RPTOR: variants seen among roughly 807,000 people sequenced by gnomAD.
RPTOR encodes the protein regulatory associated protein of MTOR complex 1.
Under a neutral mutation model 169.9 loss-of-function variants are expected in RPTOR, and 21 were observed. The observed-to-expected ratio is 0.12, with a 90% confidence interval of 0.09 to 0.18. RPTOR has a LOEUF of 0.18. Among genes scored for constraint, RPTOR ranks in the 10% least tolerant of loss-of-function variants. RPTOR has a pLI of 1.00. For missense variants in RPTOR, 1,133 were observed against 1,855.9 expected, an observed-to-expected ratio of 0.61 and a Z score of 7.16; for synonymous variants, 732 against 753.2, an observed-to-expected ratio of 0.97 and a Z score of 0.46.
At chr17:80,703,496 G>A (rs1234635022) in intron 3 of RPTOR, among the ~76,000 whole-genome samples, 2 of 152,068 alleles carry the variant, frequency 1.3e-5, no homozygotes, top group African/African-American at 4.8e-5. Flanking sequence ...CACTTCCCCT[G>A]GCCTGACTGC....
chr17:80,593,538 G>A (rs1419606300), intron 1 of RPTOR: 6 of 154,632 alleles, frequency 3.9e-5, no homozygotes, highest in African/African-American at 7.2e-5. Context: ...GAGTTTTGGT[G>A]TGTATCAAAC....
At chr17:80,637,211 G>T (rs548056126) in intron 2 of RPTOR, among the ~76,000 whole-genome samples, 13 of 152,370 alleles carry the variant, frequency 8.5e-5, no homozygotes, top group African/African-American at 2.9e-4. Flanking sequence ...TTCCAGAGAT[G>T]AGGGAGAGCA....
At chr17:80,608,154 C>A (rs1231973273) in intron 1 of RPTOR, among the ~76,000 whole-genome samples, 1 of 152,208 alleles carries the variant, frequency 6.6e-6, no homozygotes. Context: ...GTTTACTGAG[C>A]AGGGTTCCCC....
chr17:80,684,187 C>T (rs1173096315), intron 3 of RPTOR, among the ~76,000 whole-genome samples: 1 of 152,068 alleles, frequency 6.6e-6, no homozygotes, highest in East Asian at 1.9e-4. Flanking sequence ...TACTCAAGTT[C>T]ACGTGTTTAG....
Position 80,576,593 on chromosome 17 carries a change from A to G in RPTOR, c.162+30802A>G, listed in dbSNP as rs530483812. Among the ~76,000 whole-genome samples the G allele has an allele frequency of 3.9e-5, 6 of 152,304 alleles. No individual in the cohort carries two copies. The South Asian group carries it at 1.2e-3, about 32-fold the overall frequency. The stretch of plus-strand genomic sequence containing the variant: ...GCTCTCCTTTCCTTTAGCGTCTCAG[A>G]ACTTTCCTATGGGGCCACCTACTTT... On this transcript the variant is annotated intron_variant, in intron 1 of 33. Coordinates refer to ENST00000306801, the MANE Select transcript of RPTOR (RefSeq NM_020761.3).
chr17:80,931,345 G>A (rs73355901), intron 24 of RPTOR, among the ~76,000 whole-genome samples: 2,918 of 152,332 alleles, frequency 0.019, 105 homozygotes, highest in African/African-American at 0.067. Context: ...CCAGTTCCCT[G>A]CAGCAGAGCA....
intron 24 of RPTOR, among the ~76,000 whole-genome samples, chr17:80,927,045 G>A (rs1209797677): frequency 6.6e-6 from 1 of 152,206 alleles, no homozygotes; most frequent in African/African-American, 2.4e-5. Flanking sequence ...AGAGGGAAGT[G>A]CCCCTTCCCA....
intron 7 of RPTOR, among the ~76,000 whole-genome samples, chr17:80,806,730 T>TTATG (rs1367513361): frequency 2.6e-5 from 4 of 152,236 alleles, no homozygotes; most frequent in Admixed American, 6.5e-5. Context: ...TTGTGCCATA[T>TTATG]TATGGTTTCC....
At chr17:80,641,141 C>T (rs554716835) in intron 2 of RPTOR, among the ~76,000 whole-genome samples, 1 of 152,248 alleles carries the variant, frequency 6.6e-6, no homozygotes, top group African/African-American at 2.4e-5. Flanking sequence ...GATCACAGCA[C>T]AGTTGATTTG....
Position 80,893,828 on chromosome 17 carries a change from C to T in RPTOR, c.2364C>T (p.Arg788=), listed in dbSNP as rs137893094. The change falls in exon 20 of 34, where the codon CGC becomes CGT. Residue 788 remains arginine (R), a synonymous_variant. Transcript: ENST00000306801. ...CCTTCGAGACCATCGACAAGATGCG[C>T]CGCGCCAGCTCCTACTCCTCCCTCA... ...ILSFETIDKM[R]RASSYSSLNS... is the part of the protein sequence containing the mutation. 5.5e-5 allele frequency: 84 copies of T among 1,537,058 alleles called. 4 individuals carry two copies. In the African/African-American group the frequency reaches 1.1e-3, roughly 20 times the overall value.
intron 4 of RPTOR, among the ~76,000 whole-genome samples, chr17:80,711,805 G>A (rs986134667): frequency 3.7e-5 from 5 of 134,472 alleles, no homozygotes; most frequent in East Asian, 4.6e-4. Flanking sequence ...TAACAGTGGC[G>A]TGATCTTGGC....
chr17:80,631,350 T>C (rs1258251109), intron 2 of RPTOR, among the ~76,000 whole-genome samples: 1 of 152,078 alleles, frequency 6.6e-6, no homozygotes, highest in Non-Finnish European at 1.5e-5. Context: ...GGGGGTGCAG[T>C]GGGGGTGCAT....
Position 80,947,135 on chromosome 17 carries a change from A to G in RPTOR, c.3141-92A>G. 3 of 1,299,866 alleles carry G rather than the reference A, an allele frequency of 2.3e-6. No homozygotes were observed. Among genetic ancestry groups the G allele is most frequent in the East Asian group, 5.8e-5 (2 of 34,406 alleles). The allele number at this position is 1,299,866 out of a possible 1,614,324, so 80.5% of individuals were successfully genotyped here. A position where few individuals can be genotyped will look rare whatever the true frequency, so the allele number is the denominator to read the frequency against. On this transcript the variant is annotated intron_variant, in intron 26 of 33. Coordinates refer to ENST00000306801, the MANE Select transcript of RPTOR (RefSeq NM_020761.3). The surrounding 1 kb of genome is among the most constrained non-coding windows in gnomAD (Gnocchi z 4.4). ...CCCGGCTGTGGTGTGTGGTTTTTTGATAGCAGCCCGGTGGGTTTCAGGAGG... is the reference window on the plus strand; with the variant it reads ...CCCGGCTGTGGTGTGTGGTTTTTTGGTAGCAGCCCGGTGGGTTTCAGGAGG...
At chr17:80,630,325 T>TG (rs1401737068) in intron 2 of RPTOR, among the ~76,000 whole-genome samples, 4 of 152,256 alleles carry the variant, frequency 2.6e-5, no homozygotes, top group Non-Finnish European at 4.4e-5. Flanking sequence ...AGTAGTTAAC[T>TG]GGGGTTAGAA....
intron 17 of RPTOR, among the ~76,000 whole-genome samples, chr17:80,891,202 C>T (rs915719115): frequency 2.0e-5 from 3 of 152,234 alleles, no homozygotes; most frequent in South Asian, 4.1e-4. Context: ...CAACTTTTCC[C>T]GTTCCCTCTT....
intron 1 of RPTOR, among the ~76,000 whole-genome samples, chr17:80,548,377 T>G (rs895734327): frequency 1.4e-4 from 19 of 135,216 alleles, no homozygotes; most frequent in African/African-American, 5.4e-4. Context: ...GGTGGTTTTT[T>G]TTTTTTTTTT....
At chr17:80,819,825 G>A (rs1206063119) in intron 7 of RPTOR, among the ~76,000 whole-genome samples, 1 of 152,208 alleles carries the variant, frequency 6.6e-6, no homozygotes, top group African/African-American at 2.4e-5. Flanking sequence ...AATCGGTCTT[G>A]TCTGTGTGAC....
At chr17:80,874,790 G>A (rs921502393) in intron 13 of RPTOR, among the ~76,000 whole-genome samples, 10 of 152,218 alleles carry the variant, frequency 6.6e-5, no homozygotes, top group African/African-American at 1.2e-4. Context: ...TGACTTCCCC[G>A]GTAGCATCCT....
Position 80,790,724 on chromosome 17 carries a change from C to A in RPTOR, c.831-726C>A, listed in dbSNP as rs1320674230. 2.0e-5 allele frequency among the ~76,000 whole-genome samples: 3 copies of A among 152,200 alleles called. No individual in the cohort carries two copies. The East Asian group carries it at 5.8e-4, about 29-fold the overall frequency. On this transcript the variant is annotated intron_variant, in intron 6 of 33. Transcript: ENST00000306801. Reference sequence around the variant, plus strand: ...TTTGGAGATGTGCATACTTGCTCTGCACCTGCCATTATGTTTTTAAGGGGT... The same window carrying A: ...TTTGGAGATGTGCATACTTGCTCTGAACCTGCCATTATGTTTTTAAGGGGT...
Sources: allele counts gnomAD v4.1 joint callset (sites outside exome capture counted in the v4.1 genomes callset), GRCh38; gene constraint gnomAD v4.1.1; non-coding constraint Gnocchi (gnomAD v3.1); transcripts MANE v1.5; gene names NCBI Gene and HGNC (gene_info 2026-07-23, HGNC 2026-07-21).